Variants in SLC24A4 observed in about 807,000 individuals in gnomAD.
SLC24A4 encodes solute carrier family 24 member 4.
Under a neutral mutation model 79.0 loss-of-function variants are expected in SLC24A4, and 53 were observed. That is an observed-to-expected ratio of 0.67 (90% CI 0.54 to 0.84). The LOEUF (loss-of-function observed/expected upper bound fraction) is 0.84. Ranked by LOEUF, SLC24A4 falls within the 40% of genes least tolerant of loss-of-function variation. The pLI is 0.00. For missense variants in SLC24A4, 731 were observed against 822.0 expected (o/e 0.89, Z 1.35); for synonymous variants, 323 against 323.8 (o/e 1.00, Z 0.03).
intron 2 of SLC24A4, among the ~76,000 whole-genome samples, chr14:92,426,167 A>C (rs1451174544): frequency 6.6e-6 from 1 of 152,150 alleles, no homozygotes; most frequent in African/African-American, 2.4e-5. Context: ...AGTGTTACTA[A>C]AAAGGAATAC....
At chr14:92,422,251 T>C (rs530418425) in intron 2 of SLC24A4, among the ~76,000 whole-genome samples, 3 of 152,360 alleles carry the variant, frequency 2.0e-5, no homozygotes, top group East Asian at 3.9e-4. Flanking sequence ...ATAACCATTA[T>C]CCTATTCCTG....
intron 2 of SLC24A4, among the ~76,000 whole-genome samples, chr14:92,405,603 G>A (rs1890331822): frequency 6.6e-6 from 1 of 152,134 alleles, no homozygotes; most frequent in African/African-American, 2.4e-5. Flanking sequence ...GAGGCCTAAG[G>A]AAACTTACAA....
At chr14:92,366,483 T>C (rs550152647) in intron 2 of SLC24A4, among the ~76,000 whole-genome samples, 7 of 152,334 alleles carry the variant, frequency 4.6e-5, no homozygotes, top group Admixed American at 2.6e-4. Context: ...GGGATGACCT[T>C]GCGTCCTGCA....
intron 2 of SLC24A4, among the ~76,000 whole-genome samples, chr14:92,380,127 G>T (rs1345497502): frequency 1.3e-5 from 2 of 152,218 alleles, no homozygotes; most frequent in South Asian, 4.1e-4. Flanking sequence ...GGAGGACATG[G>T]CGCTCGAAGC....
At chr14:92,369,399 G>T (rs2402133) in intron 2 of SLC24A4, among the ~76,000 whole-genome samples, 1 of 151,992 alleles carries the variant, frequency 6.6e-6, no homozygotes, top group African/African-American at 2.4e-5. Flanking sequence ...GAATCCATAT[G>T]TGGGGCGATC....
chr14:92,361,654 A>G (rs1887531261), intron 2 of SLC24A4, among the ~76,000 whole-genome samples: 1 of 152,198 alleles, frequency 6.6e-6, no homozygotes, highest in Non-Finnish European at 1.5e-5. Context: ...GAAATAGTGC[A>G]CAAGCGTACT....
At chr14:92,374,242 C>T (rs1043297182) in intron 2 of SLC24A4, among the ~76,000 whole-genome samples, 7 of 152,184 alleles carry the variant, frequency 4.6e-5, no homozygotes, top group Admixed American at 1.3e-4. Flanking sequence ...CTGAGGTAGG[C>T]CCCCATGGTG....
intron 2 of SLC24A4, among the ~76,000 whole-genome samples, chr14:92,360,468 A>T (rs1887445076): frequency 2.0e-5 from 3 of 152,124 alleles, no homozygotes; most frequent in Admixed American, 2.0e-4. Context: ...GTTCATATTC[A>T]CTGTGATTAT....
At chr14:92,364,055 G>A (rs112197170) in intron 2 of SLC24A4, among the ~76,000 whole-genome samples, 11,346 of 152,120 alleles carry the variant, frequency 0.075, 565 homozygotes, top group Middle Eastern at 0.13. Flanking sequence ...TCTTCTGCTC[G>A]CAGGGTACAT....
chr14:92,421,546 C>T (rs575116601), intron 2 of SLC24A4, among the ~76,000 whole-genome samples: 22 of 152,104 alleles, frequency 1.4e-4, no homozygotes, highest in East Asian at 1.9e-4. Context: ...TTTACTCTGT[C>T]GCCCAGGCTG....
intron 6 of SLC24A4, 145 bp downstream of exon 6, chr14:92,442,961 C>A: frequency 1.5e-6 from 1 of 663,628 alleles, no homozygotes; most frequent in Non-Finnish European, 2.6e-6. Flanking sequence ...CTGGTTTTGG[C>A]CTCTCCAACA....
At chr14:92,442,052 G>A (rs375914702) in intron 4 of SLC24A4, 37 bp from the exon 5 acceptor site, 8 of 1,562,934 alleles carry the variant, frequency 5.1e-6, no homozygotes, top group South Asian at 4.5e-5. Context: ...GTACCCCCAC[G>A]TCACACCCTG....
intron 12 of SLC24A4, among the ~76,000 whole-genome samples, chr14:92,467,609 A>G (rs750987126): frequency 3.3e-5 from 5 of 152,218 alleles, no homozygotes; most frequent in Non-Finnish European, 5.9e-5. Flanking sequence ...ACTGTCGACC[A>G]AACAGAACCA....
chr14:92,376,174 C>T (rs1031999956), intron 2 of SLC24A4, among the ~76,000 whole-genome samples: 4 of 152,178 alleles, frequency 2.6e-5, no homozygotes, highest in South Asian at 2.1e-4. Context: ...GCAAGGCAGA[C>T]GAGGGTTCAA....
chr14:92,446,367 G>A (rs534831500), intron 8 of SLC24A4, among the ~76,000 whole-genome samples: 30 of 152,176 alleles, frequency 2.0e-4, no homozygotes, highest in African/African-American at 5.5e-4. Context: ...GGCTGGTCTC[G>A]AACTCCTGGG....
chr14:92,447,340 CTCTAACCGCAA>C lies in SLC24A4; in HGVS notation c.684-27_684-17del. 1 of 1,612,464 alleles carries C rather than the reference CTCTAACCGCAA, an allele frequency of 6.2e-7. No individual in the cohort carries two copies. The highest frequency in any genetic ancestry group is 8.5e-7 in the Non-Finnish European group (1 of 1,178,580). ...GCCTTCACCTGCCCCGGGCCCCGAG[CTCTAACCGCAA>C]TCTCCTTTCTCTCTTTGAGGTGGGA... is the stretch of plus-strand genomic sequence containing the variant. On this transcript the variant is annotated intron_variant, in intron 8 of 16. Coordinates refer to ENST00000532405, the MANE Select transcript of SLC24A4 (RefSeq NM_153646.4).
chr14:92,420,056 G>A (rs1053818130), intron 2 of SLC24A4, among the ~76,000 whole-genome samples: 3 of 152,184 alleles, frequency 2.0e-5, no homozygotes, highest in Admixed American at 1.3e-4. Context: ...CACAAACCAA[G>A]GAATGCCAGG....
chr14:92,461,018 G>A lies in SLC24A4; in HGVS notation c.1255+4410G>A, dbSNP rs139652931. ...GGTAGGGGGAAAAAGAGGAAGAGGCGCTTTCGCCCGTGGAAACCATGGTCT... is the reference window on the plus strand; with the variant it reads ...GGTAGGGGGAAAAAGAGGAAGAGGCACTTTCGCCCGTGGAAACCATGGTCT... On this transcript the variant is annotated intron_variant, in intron 12 of 16. Coordinates refer to ENST00000532405, the MANE Select transcript of SLC24A4 (RefSeq NM_153646.4). 9.9e-4 allele frequency among the ~76,000 whole-genome samples: 151 copies of A among 152,296 alleles called. 1 individual carries two copies. The highest frequency in any genetic ancestry group is 3.6e-3 in the African/African-American group (151 of 41,564).
chr14:92,392,964 A>G (rs1449018100), intron 2 of SLC24A4, among the ~76,000 whole-genome samples: 13 of 151,858 alleles, frequency 8.6e-5, no homozygotes, highest in African/African-American at 3.2e-4. Flanking sequence ...GGCACCATCT[A>G]TGAGGGACAC....
Sources: allele counts gnomAD v4.1 joint callset (sites outside exome capture counted in the v4.1 genomes callset), GRCh38; gene constraint gnomAD v4.1.1; transcripts MANE v1.5; gene names NCBI Gene and HGNC (gene_info 2026-07-23, HGNC 2026-07-21).